The following NCS1 variants were observed in gnomAD, a reference collection of about 807,000 sequenced individuals.
NCS1 encodes neuronal calcium sensor 1.
A neutral mutation model predicts 28.4 loss-of-function variants in NCS1; 6 were observed. The ratio of observed to expected loss-of-function variants is 0.21; its 90% CI spans 0.12 to 0.42. NCS1 has a LOEUF of 0.42. Among genes scored for constraint, NCS1 ranks in the 10% least tolerant of loss-of-function variants. The pLI is 1.00. For missense variants in NCS1, 131 were observed against 241.4 expected (o/e 0.54, Z 3.03); for synonymous variants, 86 against 99.3 (o/e 0.87, Z 0.79).
rs1481536655 is a variant in NCS1, at chr9:130,192,320, G to C, written c.65-8638G>C. On this transcript the variant is annotated intron_variant, in intron 1 of 7. Coordinates refer to ENST00000372398, the MANE Select transcript of NCS1 (RefSeq NM_014286.4). This position sits in a 1 kb window ranked among gnomAD's most constrained non-coding sequence, Gnocchi z 4.8. Reference sequence around the variant, plus strand: ...AGCACTCCATTTTAGAGAAGAGGCTGCCGCCCTTGTCCAAGGTCGAGGGTT... The same window carrying C: ...AGCACTCCATTTTAGAGAAGAGGCTCCCGCCCTTGTCCAAGGTCGAGGGTT... 6.6e-6 allele frequency among the ~76,000 whole-genome samples: 1 copy of C among 152,176 alleles called. No homozygotes were observed. Among genetic ancestry groups the C allele is most frequent in the African/African-American group, 2.4e-5 (1 of 41,444 alleles).
intron 1 of NCS1, among the ~76,000 whole-genome samples, chr9:130,173,842 C>T (rs1402434720): frequency 6.6e-6 from 1 of 152,334 alleles, no homozygotes; most frequent in South Asian, 2.1e-4. Context: ...CGCTTCCCCC[C>T]ACTCCATCGG....
intron 2 of NCS1, among the ~76,000 whole-genome samples, chr9:130,216,508 G>T (rs1833191121): frequency 6.6e-6 from 1 of 152,174 alleles, no homozygotes; most frequent in African/African-American, 2.4e-5. Context: ...CTGAGGTCAG[G>T]GGTTCGACAC....
chr9:130,173,864 C>T (rs1036347178), intron 1 of NCS1, among the ~76,000 whole-genome samples: 1 of 152,224 alleles, frequency 6.6e-6, no homozygotes, highest in African/African-American at 2.4e-5. Flanking sequence ...CTTCTGGGCA[C>T]GTCTGCAGGT....
intron 7 of NCS1, among the ~76,000 whole-genome samples, chr9:130,227,739 A>G (rs1162852869): frequency 1.3e-5 from 2 of 152,220 alleles, no homozygotes; most frequent in Admixed American, 6.5e-5. Flanking sequence ...ATTGCTACAT[A>G]TTACATTACC....
Position 130,186,799 on chromosome 9 carries a change from C to T in NCS1, c.64+14072C>T, listed in dbSNP as rs1328866785. ...GGGACATGAAATTGCACGGTGACTGCAGCATAGAGGGCCTGTGGCCGTGAG... is the reference window on the plus strand; with the variant it reads ...GGGACATGAAATTGCACGGTGACTGTAGCATAGAGGGCCTGTGGCCGTGAG... On this transcript the variant is annotated intron_variant, in intron 1 of 7. Coordinates refer to ENST00000372398, the MANE Select transcript of NCS1 (RefSeq NM_014286.4). The surrounding 1 kb of genome is among the most constrained non-coding windows in gnomAD (Gnocchi z 4.1). 2.0e-5 allele frequency among the ~76,000 whole-genome samples: 3 copies of T among 152,334 alleles called. No homozygotes were observed. Among genetic ancestry groups the T allele is most frequent in the Non-Finnish European group, 4.4e-5 (3 of 68,024 alleles).
At chr9:130,205,536 A>C (rs1393319903) in intron 2 of NCS1, among the ~76,000 whole-genome samples, 7 of 65,434 alleles carry the variant, frequency 1.1e-4, no homozygotes, top group African/African-American at 3.7e-4. Context: ...CTCGTCTCTT[A>C]GAAAAAAAAA....
intron 2 of NCS1, among the ~76,000 whole-genome samples, chr9:130,210,801 C>G (rs1554908667): frequency 1.3e-5 from 2 of 150,950 alleles, no homozygotes; most frequent in Admixed American, 6.6e-5. Flanking sequence ...GTTTCTTAAA[C>G]TTAAAAAGAA....
chr9:130,180,820 C>G lies in NCS1; in HGVS notation c.64+8093C>G, dbSNP rs1554905092. On this transcript the variant is annotated intron_variant, in intron 1 of 7. Transcript: ENST00000372398. This position sits in a 1 kb window ranked among gnomAD's most constrained non-coding sequence, Gnocchi z 4.5. ...CCTGGGCAATCACAGAGTGAGCTGT[C>G]ACAGGCTCTTGGCTGAATTGGGAGC... 1.3e-5 allele frequency among the ~76,000 whole-genome samples: 2 copies of G among 152,218 alleles called. No homozygotes were observed. Among genetic ancestry groups the G allele is most frequent in the Non-Finnish European group, 2.9e-5 (2 of 68,044 alleles).
rs1832490778 is a variant in NCS1, at chr9:130,172,426, C to G, written c.-238C>G. On this transcript the variant is annotated 5_prime_UTR_variant, in exon 1 of 8. Transcript: ENST00000372398. ...CCCAGTAACCAGGGACGACCGCGGC[C>G]ACACCGCGCCGGCGCCGGCGCCCAG... Among the ~76,000 whole-genome samples, 1 of 145,658 alleles carries G rather than the reference C, an allele frequency of 6.9e-6. No individual in the cohort carries two copies.
chr9:130,173,439 C>T (rs538484145), intron 1 of NCS1, among the ~76,000 whole-genome samples: 1 of 152,290 alleles, frequency 6.6e-6, no homozygotes, highest in African/African-American at 2.4e-5. Flanking sequence ...CCAGATCAGC[C>T]TCAGTGTGTC....
intron 3 of NCS1, 121 bp downstream of exon 3, chr9:130,218,091 T>C: frequency 1.6e-6 from 2 of 1,289,280 alleles, no homozygotes; most frequent in Middle Eastern, 4.6e-4. Flanking sequence ...CACACACGAG[T>C]GCATACTGAC....
rs782770149 is a variant in NCS1, at chr9:130,177,592, G to A, written c.64+4865G>A. On this transcript the variant is annotated intron_variant, in intron 1 of 7. Coordinates refer to ENST00000372398, the MANE Select transcript of NCS1 (RefSeq NM_014286.4). The surrounding 1 kb of genome is among the most constrained non-coding windows in gnomAD (Gnocchi z 4.4). The stretch of plus-strand genomic sequence containing the variant: ...GCAGGAGAGACTGAGGTGGACTCTC[G>A]GCATCGGGATGGGCATCTGGGCAAG... Among the ~76,000 whole-genome samples, 14 of 152,226 alleles carry A rather than the reference G, an allele frequency of 9.2e-5. No individual in the cohort carries two copies. The highest frequency in any genetic ancestry group is 3.1e-4 in the African/African-American group (13 of 41,464).
intron 2 of NCS1, among the ~76,000 whole-genome samples, chr9:130,216,849 CCT>C (rs1833197241): frequency 6.6e-6 from 1 of 151,760 alleles, no homozygotes; most frequent in African/African-American, 2.4e-5. Context: ...TGATAGATGA[CCT>C]CTCTCTCTGG....
rs572169770 is a variant in NCS1, at chr9:130,224,047, C to T, written c.474+888C>T. ...ATTTTTAGTAGAGACGGGATTTCAC[C>T]GTGTTAGCCAGGATGGTCTCGATCT... is the stretch of plus-strand genomic sequence containing the variant. On this transcript the variant is annotated intron_variant, in intron 6 of 7. Coordinates refer to ENST00000372398, the MANE Select transcript of NCS1 (RefSeq NM_014286.4). Among the ~76,000 whole-genome samples, 32 of 151,750 alleles carry T rather than the reference C, an allele frequency of 2.1e-4. No individual in the cohort carries two copies. In the South Asian group the frequency reaches 5.8e-3, roughly 28 times the overall value.
rs797024742 is a variant in NCS1 at position 130,176,162 on chromosome 9, C to T, written c.64+3435C>T. 6.0e-3 allele frequency among the ~76,000 whole-genome samples: 460 copies of T among 76,702 alleles called. 8 individuals are homozygous for T. Among genetic ancestry groups the T allele is most frequent in the East Asian group, 0.021 (25 of 1,164 alleles). 50.3% of individuals were successfully genotyped at this position (76,702 alleles called of 152,430 possible). ...ATTTTCTTTCTTTCTTTCTTTCTTT[C>T]TTTCTTTCTTTCTTTCTTTCTTTCT... is the stretch of plus-strand genomic sequence containing the variant. On this transcript the variant is annotated intron_variant, in intron 1 of 7. Coordinates refer to ENST00000372398, the MANE Select transcript of NCS1 (RefSeq NM_014286.4).
At chr9:130,200,880 G>A (rs1261770913) in intron 1 of NCS1, 78 bp from the exon 2 acceptor site, 1 of 1,566,598 alleles carries the variant, frequency 6.4e-7, no homozygotes, top group African/African-American at 1.4e-5. Context: ...TGGAGGGGAG[G>A]CCCCCCAGCG....
At chr9:130,174,102 C>A (rs1832529779) in intron 1 of NCS1, among the ~76,000 whole-genome samples, 1 of 152,194 alleles carries the variant, frequency 6.6e-6, no homozygotes, top group Admixed American at 6.5e-5. Flanking sequence ...TGGCCCATTC[C>A]AGTCTGGCTG....
In NCS1 at chr9:130,219,905, T is replaced by C; in HGVS notation, c.307+102T>C. 1 of 1,231,692 alleles carries C rather than the reference T, an allele frequency of 8.1e-7. No homozygotes were observed. The highest frequency in any genetic ancestry group is 1.2e-6 in the Non-Finnish European group (1 of 843,346). The allele number at this position is 1,231,692 out of a possible 1,614,324, so 76.3% of individuals were successfully genotyped here. On this transcript the variant is annotated intron_variant, in intron 4 of 7. Transcript: ENST00000372398. This position sits in a 1 kb window ranked among gnomAD's most constrained non-coding sequence, Gnocchi z 5.7. ...CCAGGCAGGGGTGCCAGACACCCAC[T>C]GCAGTGACCACAGATGGCGTCCCAG... is the stretch of plus-strand genomic sequence containing the variant.
chr9:130,219,072 C>T lies in NCS1; in HGVS notation c.229-653C>T, dbSNP rs782204112. Reference sequence around the variant, plus strand: ...ACCATGTGGTAGCTTGTGTCACCTCCGGGCAGTGGCTGCACGGATAGCTGT... The same window carrying T: ...ACCATGTGGTAGCTTGTGTCACCTCTGGGCAGTGGCTGCACGGATAGCTGT... On this transcript the variant is annotated intron_variant, in intron 3 of 7. Coordinates refer to ENST00000372398, the MANE Select transcript of NCS1 (RefSeq NM_014286.4). The surrounding 1 kb of genome is among the most constrained non-coding windows in gnomAD (Gnocchi z 5.7). Among the ~76,000 whole-genome samples the T allele has an allele frequency of 3.9e-5, 6 of 152,118 alleles. No individual in the cohort carries two copies. The highest frequency in any genetic ancestry group is 2.1e-4 in the South Asian group (1 of 4,824).
Sources: gnomAD v4.1 joint callset for allele counts (sites outside exome capture counted in the v4.1 genomes callset) on GRCh38, gnomAD v4.1.1 for gene constraint, Gnocchi (gnomAD v3.1) non-coding constraint, MANE v1.5 for transcripts, NCBI Gene and HGNC (gene_info 2026-07-23, HGNC 2026-07-21) for gene names.